Variants in ASPH observed in about 807,000 individuals in gnomAD.
The protein encoded by ASPH is aspartate beta-hydroxylase.
Under a neutral mutation model 118.4 loss-of-function variants are expected in ASPH, and 100 were observed. The ratio of observed to expected loss-of-function variants is 0.84; its 90% CI spans 0.72 to 1.00. ASPH has a LOEUF of 1.00. Among genes scored for constraint, ASPH ranks in the 50% least tolerant of loss-of-function variants. The probability of loss-of-function intolerance (pLI) is 0.00; values close to 1 mark genes in which losing one functional copy is unlikely to be tolerated. For missense variants in ASPH, 920 were observed against 919.5 expected, an observed-to-expected ratio of 1.00 and a Z score of -0.01; for synonymous variants, 315 against 325.6, an observed-to-expected ratio of 0.97 and a Z score of 0.35.
At chr8:61,581,584 C>CTCTG (rs1837555206) in intron 15 of ASPH, among the ~76,000 whole-genome samples, 1 of 152,204 alleles carries the variant, frequency 6.6e-6, no homozygotes, top group Non-Finnish European at 1.5e-5. Flanking sequence ...AAATGTTTCT[C>CTCTG]TCTGGACTTG....
chr8:61,603,933 C>T (rs904935128), intron 14 of ASPH, among the ~76,000 whole-genome samples: 6 of 151,946 alleles, frequency 3.9e-5, no homozygotes, highest in Non-Finnish European at 7.4e-5. Flanking sequence ...AGGTAGACAG[C>T]GAAAAATATT....
chr8:61,694,738 A>G (rs1833520770), intron 1 of ASPH, among the ~76,000 whole-genome samples: 1 of 152,206 alleles, frequency 6.6e-6, no homozygotes, highest in Admixed American at 6.5e-5. Context: ...AGTTCACTTC[A>G]GCTATCATCT....
At chr8:61,605,876 A>T (rs760504792) in intron 14 of ASPH, among the ~76,000 whole-genome samples, 2 of 152,158 alleles carry the variant, frequency 1.3e-5, no homozygotes, top group Non-Finnish European at 2.9e-5. Flanking sequence ...AATATTCCTC[A>T]TTTTTCTCTC....
rs1328579339 is a variant in ASPH at position 61,584,192 on chromosome 8, G to A, written c.977-163C>T. 2.0e-5 allele frequency among the ~76,000 whole-genome samples: 3 copies of A among 152,152 alleles called. No homozygotes were observed. The East Asian group carries it at 5.8e-4, about 29-fold the overall frequency. On this transcript the variant is annotated intron_variant, in intron 14 of 24. Coordinates refer to ENST00000379454, the MANE Select transcript of ASPH (RefSeq NM_004318.4). ...CCTTCCATTTCCTCCCCTAGATGGT[G>A]TGATGAAGTCAGTGACTGCCAAGGA...
chr8:61,562,699 C>A, intron 18 of ASPH, 45 bp downstream of exon 18: 2 of 1,505,926 alleles, frequency 1.3e-6, no homozygotes, highest in Non-Finnish European at 1.8e-6. Context: ...TTGCAAATAG[C>A]CTTAGAACTT....
chr8:61,562,401 G>GTGTT (rs1830306049), intron 18 of ASPH, among the ~76,000 whole-genome samples: 1 of 149,222 alleles, frequency 6.7e-6, no homozygotes, highest in Non-Finnish European at 1.5e-5. Flanking sequence ...GTGTGTGTGT[G>GTGTT]TGTGTGTGTG....
chr8:61,523,315 T>C (rs1281834953), intron 22 of ASPH, among the ~76,000 whole-genome samples: 3 of 145,138 alleles, frequency 2.1e-5, no homozygotes, highest in Admixed American at 2.1e-4. Flanking sequence ...TTTCTTTCTT[T>C]CTTTCTTTTT....
chr8:61,615,580 T>C (rs927053426), intron 14 of ASPH, among the ~76,000 whole-genome samples: 8 of 152,230 alleles, frequency 5.3e-5, no homozygotes, highest in African/African-American at 1.9e-4. Flanking sequence ...AATAAATGGA[T>C]GAACACGAAT....
chr8:61,605,670 A>G (rs1845346194), intron 14 of ASPH, among the ~76,000 whole-genome samples: 1 of 152,202 alleles, frequency 6.6e-6, no homozygotes, highest in Non-Finnish European at 1.5e-5. Flanking sequence ...CAAAAGCTGA[A>G]GCAGACAAAA....
At chr8:61,509,370 T>C (rs539694100) in intron 24 of ASPH, among the ~76,000 whole-genome samples, 40 of 152,334 alleles carry the variant, frequency 2.6e-4, no homozygotes, top group Admixed American at 5.9e-4. Flanking sequence ...AAACAAGGAA[T>C]GGATTATTCA....
At chr8:61,634,790 C>T (rs372861660) in intron 12 of ASPH, among the ~76,000 whole-genome samples, 27 of 152,242 alleles carry the variant, frequency 1.8e-4, no homozygotes, top group Middle Eastern at 3.4e-3. Context: ...TGTTATTCTA[C>T]GCTCAAAATA....
chr8:61,674,613 T>G (rs902434702), intron 3 of ASPH, among the ~76,000 whole-genome samples: 1 of 152,202 alleles, frequency 6.6e-6, no homozygotes, highest in African/African-American at 2.4e-5. Flanking sequence ...CAGTATTTGC[T>G]GACACAGGTA....
chr8:61,643,924 A>G, intron 8 of ASPH, 21 bp downstream of exon 8: 1 of 1,599,196 alleles, frequency 6.3e-7, no homozygotes, highest in Non-Finnish European at 8.6e-7. Context: ...ACACATATCA[A>G]TAATTTTAAC....
At chr8:61,641,388 ATGCAACTTGTAT>A (rs1463182904) in intron 10 of ASPH, among the ~76,000 whole-genome samples, 1 of 152,196 alleles carries the variant, frequency 6.6e-6, no homozygotes, top group African/African-American at 2.4e-5. Flanking sequence ...CCATCATTAC[ATGCAACTTGTAT>A]TTATAAATTC....
intron 3 of ASPH, chr8:61,664,011 G>A (rs1279543835): frequency 2.3e-6 from 2 of 875,826 alleles, no homozygotes; most frequent in South Asian, 5.3e-5. Flanking sequence ...TAAAATCTTA[G>A]TGGTAGCATT....
chr8:61,570,053 G>A (rs947315195), intron 16 of ASPH, among the ~76,000 whole-genome samples: 1 of 152,080 alleles, frequency 6.6e-6, no homozygotes, highest in Non-Finnish European at 1.5e-5. Flanking sequence ...ACTGACTTTC[G>A]ACGGGTTTAC....
intron 1 of ASPH, among the ~76,000 whole-genome samples, chr8:61,700,430 GA>G (rs1834962987): frequency 6.6e-6 from 1 of 152,218 alleles, no homozygotes; most frequent in Non-Finnish European, 1.5e-5. Flanking sequence ...GAGTGACTGA[GA>G]TGTTAAGTTC....
chr8:61,529,888 T>G (rs1445048092), intron 21 of ASPH, among the ~76,000 whole-genome samples: 1 of 152,216 alleles, frequency 6.6e-6, no homozygotes, highest in African/African-American at 2.4e-5. Flanking sequence ...ACTAATCTCA[T>G]TCATGAATGT....
intron 3 of ASPH, among the ~76,000 whole-genome samples, chr8:61,665,786 C>T (rs1318712446): frequency 2.6e-5 from 4 of 152,106 alleles, no homozygotes; most frequent in African/African-American, 9.7e-5. Flanking sequence ...AAATCTCTAT[C>T]AAATATCAAC....
Sources: gnomAD v4.1 joint callset for allele counts (sites outside exome capture counted in the v4.1 genomes callset) on GRCh38, gnomAD v4.1.1 for gene constraint, MANE v1.5 for transcripts, NCBI Gene and HGNC (gene_info 2026-07-23, HGNC 2026-07-21) for gene names.